Variants in DRC11 observed in about 807,000 individuals in gnomAD.
DRC11 encodes the protein dynein regulatory complex subunit 11.
the DRC11 span, among the ~76,000 whole-genome samples, chr2:236,467,401 TAGG>T: frequency 6.6e-6 from 1 of 152,216 alleles, no homozygotes; most frequent in Non-Finnish European, 1.5e-5. Context: ...ATGGTGCAAA[TAGG>T]AGATTTCTTT....
the DRC11 span, among the ~76,000 whole-genome samples, chr2:236,491,242 CACAGTATATATATATATATATATATAT>C: frequency 1.6e-5 from 1 of 63,612 alleles, no homozygotes; most frequent in South Asian, 4.2e-4. Context: ...TATATATATA[CACAGTATATATATATATATATATATAT>C]ATACACACAG....
the DRC11 span, among the ~76,000 whole-genome samples, chr2:236,447,887 A>C: frequency 2.4e-4 from 11 of 45,116 alleles, 1 homozygote; most frequent in Admixed American, 3.4e-3. The surrounding 1 kb of genome is among the most constrained non-coding windows in gnomAD (Gnocchi z 4.6). Context: ...TGGCCAGGGG[A>C]GGGTGGGGGA....
chr2:236,394,226 A>G, the DRC11 span, among the ~76,000 whole-genome samples: 8 of 152,126 alleles, frequency 5.3e-5, no homozygotes, highest in African/African-American at 1.9e-4. This position sits in a 1 kb window ranked among gnomAD's most constrained non-coding sequence, Gnocchi z 7.0. Flanking sequence ...GCCAGCAAAG[A>G]GGAATAAGGG....
At chr2:236,357,168 CTATA>C in the DRC11 span, among the ~76,000 whole-genome samples, 16 of 80,486 alleles carry the variant, frequency 2.0e-4, 1 homozygote, top group South Asian at 3.2e-4. Context: ...TCATATATAT[CTATA>C]TATTATATAT....
the DRC11 span, among the ~76,000 whole-genome samples, chr2:236,424,135 G>A: frequency 1.3e-5 from 2 of 151,732 alleles, no homozygotes; most frequent in African/African-American, 4.8e-5. Flanking sequence ...ACACCAGCAC[G>A]GCACATGTAT....
chr2:236,451,311 A>C, the DRC11 span, among the ~76,000 whole-genome samples: 1 of 152,114 alleles, frequency 6.6e-6, no homozygotes, highest in Non-Finnish European at 1.5e-5. Context: ...TGTTTAAAAA[A>C]TATATAAAAA....
At chr2:236,388,990 G>C in the DRC11 span, among the ~76,000 whole-genome samples, 20 of 152,066 alleles carry the variant, frequency 1.3e-4, no homozygotes, top group Admixed American at 1.3e-3. Context: ...CAGGGGTCAG[G>C]GACCCACTTG....
the DRC11 span, among the ~76,000 whole-genome samples, chr2:236,347,777 G>A: frequency 6.6e-6 from 1 of 151,450 alleles, no homozygotes; most frequent in Admixed American, 6.6e-5. Flanking sequence ...GGTGATGGAT[G>A]CACCAAAATC....
the DRC11 span, among the ~76,000 whole-genome samples, chr2:236,393,690 C>T: frequency 4.6e-5 from 7 of 152,256 alleles, no homozygotes; most frequent in Admixed American, 1.3e-4. The surrounding 1 kb of genome is among the most constrained non-coding windows in gnomAD (Gnocchi z 4.7). Flanking sequence ...CTGTGAGACC[C>T]GGGAAAAGCT....
chr2:236,405,074 T>C, the DRC11 span, among the ~76,000 whole-genome samples: 2 of 152,146 alleles, frequency 1.3e-5, no homozygotes, highest in Admixed American at 1.3e-4. This position sits in a 1 kb window ranked among gnomAD's most constrained non-coding sequence, Gnocchi z 4.6. Context: ...ACCACATTGG[T>C]GATTAGCTTT....
the DRC11 span, among the ~76,000 whole-genome samples, chr2:236,358,336 TA>T: frequency 1.6e-4 from 21 of 134,038 alleles, no homozygotes; most frequent in African/African-American, 6.3e-4. Context: ...ATATATATGA[TA>T]TATAGATATA....
chr2:236,312,053 C>G, the DRC11 span, among the ~76,000 whole-genome samples: 7 of 152,128 alleles, frequency 4.6e-5, no homozygotes, highest in African/African-American at 1.7e-4. Context: ...TAATTGATTC[C>G]TTAAAACTCA....
the DRC11 span, among the ~76,000 whole-genome samples, chr2:236,378,302 A>ATT: frequency 6.6e-6 from 1 of 152,246 alleles, no homozygotes; most frequent in Non-Finnish European, 1.5e-5. Context: ...TTGAATACTT[A>ATT]TTTAATATAA....
chr2:236,507,259 G>A, the DRC11 span: 1 of 1,613,954 alleles, frequency 6.2e-7, no homozygotes, highest in South Asian at 1.1e-5. Flanking sequence ...TCACTTACGC[G>A]TTCGACATTG....
the DRC11 span, among the ~76,000 whole-genome samples, chr2:236,500,081 CAG>C: frequency 7.5e-6 from 1 of 133,482 alleles, no homozygotes; most frequent in African/African-American, 3.7e-5. The surrounding 1 kb of genome is among the most constrained non-coding windows in gnomAD (Gnocchi z 6.3). Flanking sequence ...CTTTTGGGTT[CAG>C]ATGATGATGA....
chr2:236,377,114 G>A, the DRC11 span: 5 of 1,602,768 alleles, frequency 3.1e-6, no homozygotes, highest in Non-Finnish European at 4.3e-6. This position sits in a 1 kb window ranked among gnomAD's most constrained non-coding sequence, Gnocchi z 4.9. Context: ...AATGTAATCA[G>A]AGAGGTTGAC....
At chr2:236,429,708 G>A in the DRC11 span, among the ~76,000 whole-genome samples, 1 of 152,076 alleles carries the variant, frequency 6.6e-6, no homozygotes, top group Non-Finnish European at 1.5e-5. This position sits in a 1 kb window ranked among gnomAD's most constrained non-coding sequence, Gnocchi z 5.9. Context: ...TAGGGAACAC[G>A]AGGGCCACTT....
the DRC11 span, among the ~76,000 whole-genome samples, chr2:236,464,579 C>A: frequency 6.6e-6 from 1 of 152,166 alleles, no homozygotes; most frequent in Admixed American, 6.5e-5. Flanking sequence ...CATTTAAGAA[C>A]ATTAAAGAAC....
the DRC11 span, chr2:236,408,739 C>T: frequency 2.2e-5 from 15 of 689,300 alleles, no homozygotes; most frequent in African/African-American, 7.1e-5. This position sits in a 1 kb window ranked among gnomAD's most constrained non-coding sequence, Gnocchi z 5.5. Flanking sequence ...TTGCACTCAT[C>T]GCTGATGTAC....
Sources: gnomAD v4.1 joint callset for allele counts (sites outside exome capture counted in the v4.1 genomes callset) on GRCh38, gnomAD v4.1.1 for gene constraint, Gnocchi (gnomAD v3.1) non-coding constraint, MANE v1.5 for transcripts, NCBI Gene and HGNC (gene_info 2026-07-23, HGNC 2026-07-21) for gene names.